Variants in NME1 observed in about 807,000 individuals in gnomAD.
The protein encoded by NME1 is nucleoside diphosphate kinase A.
A neutral mutation model predicts 17.2 loss-of-function variants in NME1; 9 were observed. The ratio of observed to expected loss-of-function variants is 0.52; its 90% CI spans 0.32 to 0.92. The LOEUF is 0.92. Ranked by LOEUF, NME1 falls within the 40% of genes least tolerant of loss-of-function variation. The probability of loss-of-function intolerance (pLI) is 0.04; values close to 1 mark genes in which losing one functional copy is unlikely to be tolerated. For synonymous variants in NME1, 72 were observed against 70.8 expected (o/e 1.02, Z -0.09); for missense variants, 169 against 201.7 (o/e 0.84, Z 0.98).
At chr17:51,154,362 T>TG in intron 1 of NME1, 1 of 1,613,756 alleles carries the variant, frequency 6.2e-7, no homozygotes, top group Non-Finnish European at 8.5e-7. Flanking sequence ...GACAGGAAGA[T>TG]GGGGCCAAGA....
At chr17:51,155,110 G>A (rs2049766179) in intron 1 of NME1, among the ~76,000 whole-genome samples, 1 of 151,412 alleles carries the variant, frequency 6.6e-6, no homozygotes, top group Admixed American at 6.6e-5. Context: ...TGGGTGTGGT[G>A]GCACGCACCT....
At chr17:51,159,015 C>T (rs919400235) in intron 2 of NME1, among the ~76,000 whole-genome samples, 3 of 152,304 alleles carry the variant, frequency 2.0e-5, no homozygotes, top group East Asian at 1.9e-4. Flanking sequence ...TCTGAATAAA[C>T]GTGAAGCATC....
At position 51,161,204 on chromosome 17, in the gene NME1, C is replaced by G; in HGVS notation, c.273C>G (p.Leu91=). 6.2e-7 allele frequency: 1 copy of G among 1,612,912 alleles called. No individual in the cohort carries two copies. Among genetic ancestry groups the G allele is most frequent in the Non-Finnish European group, 8.5e-7 (1 of 1,179,604 alleles). The change falls in exon 4 of 5, where the codon CTC becomes CTG. Residue 91 remains leucine, a synonymous_variant. Transcript: ENST00000393196. The part of the protein sequence containing the change: ...LNVVKTGRVM[L]GETNPADSKP... ...TGGTGAAGACGGGCCGAGTCATGCT[C>G]GGGGAGACCAACCCTGCAGACTCCA...
intron 2 of NME1, among the ~76,000 whole-genome samples, chr17:51,157,100 T>A (rs118144056): frequency 0.074 from 11,294 of 152,010 alleles, 561 homozygotes; most frequent in Non-Finnish European, 0.11. Flanking sequence ...CATTTTAAAA[T>A]TTAGTTTGAC....
In NME1 at chr17:51,161,590, T is replaced by C. The variant is rs2049865097; in HGVS notation, c.342-138T>C. On this transcript the variant is annotated intron_variant, in intron 4 of 4. Coordinates refer to ENST00000393196, the MANE Select transcript of NME1 (RefSeq NM_000269.3). ...TTTTTCAGCCTTAAGTGAATGGCCA[T>C]TGTAGGCTTTTTCTTTTAACATGGT... The C allele has an allele frequency of 2.9e-5, 23 of 795,574 alleles. No individual in the cohort carries two copies. The South Asian group carries it at 3.3e-4, about 11-fold the overall frequency. The allele number at this position is 795,574 out of a possible 1,614,324, so 49.3% of individuals were successfully genotyped here.
rs1222445939 is a variant in NME1, at chr17:51,161,818, C to G, written c.432C>G (p.Ser144Arg). The G allele has an allele frequency of 1.9e-6, 3 of 1,613,134 alleles. No individual in the cohort carries two copies. In the Admixed American group the frequency reaches 5.0e-5, roughly 27 times the overall value. The change falls in exon 5 of 5, where the codon AGC becomes AGG. Residue 144 changes from serine to arginine, a missense_variant. Physicochemically the swap from Ser to Arg is moderately radical, Grantham distance 110. Coordinates refer to ENST00000393196, the MANE Select transcript of NME1 (RefSeq NM_000269.3). ...CTGAGGAACTGGTAGATTACACGAG[C>G]TGTGCTCAGAACTGGATCTATGAAT... ...FHPEELVDYT[S>R]CAQNWIYE is the part of the protein sequence containing the mutation.
intron 2 of NME1, among the ~76,000 whole-genome samples, chr17:51,159,254 G>C (rs2049830176): frequency 6.6e-6 from 1 of 151,614 alleles, no homozygotes; most frequent in African/African-American, 2.4e-5. Flanking sequence ...AGGAGTTTGA[G>C]ACCAGCCTGG....
intron 2 of NME1, among the ~76,000 whole-genome samples, chr17:51,159,708 T>G (rs1598239247): frequency 6.6e-6 from 1 of 151,994 alleles, no homozygotes; most frequent in Admixed American, 6.6e-5. Context: ...GAGTTTGATT[T>G]TTTTTTAAAT....
intron 1 of NME1, chr17:51,154,547 G>A: frequency 9.2e-6 from 9 of 978,642 alleles, no homozygotes; most frequent in Non-Finnish European, 9.9e-6. Context: ...TATTCCTAAT[G>A]TCTGTAGTTC....
At chr17:51,156,658 T>G (rs1307559627) in intron 2 of NME1, 4 of 151,870 alleles carry the variant, frequency 2.6e-5, no homozygotes, top group African/African-American at 7.3e-5. Context: ...TTTGGGAGGC[T>G]GAGGCGGGCG....
intron 1 of NME1, among the ~76,000 whole-genome samples, chr17:51,155,109 T>C (rs1215983407): frequency 6.6e-6 from 1 of 151,266 alleles, no homozygotes; most frequent in African/African-American, 2.4e-5. Flanking sequence ...CTGGGTGTGG[T>C]GGCACGCACC....
chr17:51,161,866 C>T lies in NME1; in HGVS notation c.*21C>T, dbSNP rs768654197. ...AATGACAGGAGGGCAGACCACATTG[C>T]TTTTCACATCCATTTCCCCTCCTTC... On this transcript the variant is annotated 3_prime_UTR_variant, in exon 5 of 5. Coordinates refer to ENST00000393196, the MANE Select transcript of NME1 (RefSeq NM_000269.3). 3.4e-6 allele frequency: 5 copies of T among 1,461,938 alleles called. No individual in the cohort carries two copies. Among genetic ancestry groups the T allele is most frequent in the Non-Finnish European group, 4.8e-6 (5 of 1,041,764 alleles). The allele number at this position is 1,461,938 out of a possible 1,614,324, so 90.6% of individuals were successfully genotyped here. A position where few individuals can be genotyped will look rare whatever the true frequency, so the allele number is the denominator to read the frequency against.
At position 51,161,738 on chromosome 17, in the gene NME1, C is replaced by T; in HGVS notation, c.352C>T (p.His118Tyr). ...FCIQVGRNII[H>Y]GSDSVESAEK... ...TCTTTCTCCACCCAGGAACATTATA[C>T]ATGGCAGTGATTCTGTGGAGAGTGC... The change falls in exon 5 of 5, where the codon CAT (histidine) becomes TAT (tyrosine). Residue 118 changes from histidine to tyrosine, a missense_variant. Transcript: ENST00000393196. 21 of 1,612,892 alleles carry T rather than the reference C, an allele frequency of 1.3e-5. No homozygotes were observed. The highest frequency in any genetic ancestry group is 1.7e-5 in the Non-Finnish European group (20 of 1,178,834).
In NME1 at chr17:51,161,926, T is replaced by G; in HGVS notation, c.*81T>G. On this transcript the variant is annotated 3_prime_UTR_variant, in exon 5 of 5. Transcript: ENST00000393196. Reference sequence around the variant, plus strand: ...GAGGACCAGGCTGTAGGAAATCTAGTTATTTACAGGAACTTCATCATAATT... The same window carrying G: ...GAGGACCAGGCTGTAGGAAATCTAGGTATTTACAGGAACTTCATCATAATT... The G allele has an allele frequency of 1.1e-6, 1 of 918,002 alleles. No individual in the cohort carries two copies. Among genetic ancestry groups the G allele is most frequent in the South Asian group, 1.3e-5 (1 of 76,296 alleles). 56.9% of individuals were successfully genotyped at this position (918,002 alleles called of 1,614,324 possible).
intron 4 of NME1, 82 bp from the exon 5 acceptor site, chr17:51,161,646 T>A: frequency 9.9e-7 from 1 of 1,012,486 alleles, no homozygotes; most frequent in Non-Finnish European, 1.6e-6. Flanking sequence ...GCTTTTATGC[T>A]GCTGTGGCTG....
intron 1 of NME1, chr17:51,154,551 G>GA: frequency 6.3e-6 from 6 of 946,468 alleles, no homozygotes; most frequent in Non-Finnish European, 1.0e-5. Context: ...CCTAATGTCT[G>GA]TAGTTCTCCC....
At chr17:51,156,010 C>T (rs1020682422) in intron 2 of NME1, 24 of 466,882 alleles carry the variant, frequency 5.1e-5, no homozygotes, top group East Asian at 1.5e-4. Flanking sequence ...TGCATTGCTA[C>T]GGGAAAAGCA....
rs1235691459 is a variant in NME1 at position 51,155,904 on chromosome 17, G to C, written c.126+124G>C. The C allele has an allele frequency of 2.0e-6, 3 of 1,509,476 alleles. No individual in the cohort carries two copies. In the East Asian group the frequency reaches 7.2e-5, roughly 36 times the overall value. 93.5% of individuals were successfully genotyped at this position (1,509,476 alleles called of 1,614,324 possible). A position where few individuals can be genotyped will look rare whatever the true frequency, so the allele number is the denominator to read the frequency against. On this transcript the variant is annotated intron_variant, in intron 2 of 4. Transcript: ENST00000393196. ...ACGGTAGAGTGAACACAAGTGTCTT[G>C]AGACCTGGAAACTCCTCAGTGCCCT...
At position 51,155,763 on chromosome 17, in the gene NME1, G is replaced by A. The variant is rs758535440; in HGVS notation, c.109G>A (p.Gly37Ser). The change falls in exon 2 of 5, where the codon GGT (glycine) becomes AGT (serine). Residue 37 changes from glycine (G) to serine (S), a missense_variant. By Grantham distance (56) the Gly-to-Ser change is moderately conservative. Coordinates refer to ENST00000393196, the MANE Select transcript of NME1 (RefSeq NM_000269.3). The part of the protein sequence containing the change: ...RFEQKGFRLV[G>S]LKFMQASEDL... Reference sequence around the variant, plus strand: ...TGAGCAGAAAGGATTCCGCCTTGTTGGTCTGAAATTCATGCAAGTAAGTGG... The same window carrying A: ...TGAGCAGAAAGGATTCCGCCTTGTTAGTCTGAAATTCATGCAAGTAAGTGG... 1.9e-5 allele frequency: 31 copies of A among 1,613,700 alleles called. No homozygotes were observed. The Admixed American group carries it at 3.3e-4, about 17-fold the overall frequency.
Sources: allele counts gnomAD v4.1 joint callset (sites outside exome capture counted in the v4.1 genomes callset), GRCh38; gene constraint gnomAD v4.1.1; transcripts MANE v1.5; gene names NCBI Gene and HGNC (gene_info 2026-07-23, HGNC 2026-07-21).